CREBRF: variants seen among roughly 807,000 people sequenced by gnomAD.
CREBRF encodes UPF0474 protein C5orf41.
CREBRF carries 5 observed loss-of-function variants against 66.1 expected under a neutral mutation model. The ratio of observed to expected loss-of-function variants is 0.08; its 90% CI spans 0.04 to 0.16. CREBRF has a LOEUF of 0.16. Among genes scored for constraint, CREBRF ranks in the 10% least tolerant of loss-of-function variants. The pLI is 1.00. For missense variants in CREBRF, 531 were observed against 744.9 expected, an observed-to-expected ratio of 0.71 and a Z score of 3.34; for synonymous variants, 229 against 264.4, an observed-to-expected ratio of 0.87 and a Z score of 1.30.
At chr5:173,058,480 A>C (rs796512483) in intron 1 of CREBRF, among the ~76,000 whole-genome samples, 4 of 145,100 alleles carry the variant, frequency 2.8e-5, no homozygotes, top group Admixed American at 1.4e-4. Flanking sequence ...TGATTCATCA[A>C]TTTTTTTTTT....
intron 4 of CREBRF, among the ~76,000 whole-genome samples, chr5:173,097,713 G>T (rs900544774): frequency 6.6e-6 from 1 of 151,884 alleles, no homozygotes; most frequent in Non-Finnish European, 1.5e-5. Flanking sequence ...ATGATTCTTT[G>T]CATTTCTGTG....
At chr5:173,062,347 C>T (rs917275775) in intron 1 of CREBRF, among the ~76,000 whole-genome samples, 1 of 152,262 alleles carries the variant, frequency 6.6e-6, no homozygotes, top group Non-Finnish European at 1.5e-5. Context: ...TAAATGAATG[C>T]ATGCATTGCT....
At chr5:173,081,494 T>G (rs1757940577) in intron 2 of CREBRF, among the ~76,000 whole-genome samples, 1 of 152,180 alleles carries the variant, frequency 6.6e-6, no homozygotes, top group Non-Finnish European at 1.5e-5. Context: ...GGGCAGGGAC[T>G]CTTGGGTGGC....
In CREBRF at chr5:173,128,764, CATTTT is replaced by C. The variant is rs372526991; in HGVS notation, c.1805-4846_1805-4842del. ...TCTTTTATTTTCAATCCTTCTGAAT[CATTTT>C]ATTTTATTTTATTTTATTTATTTAT... On this transcript the variant is annotated intron_variant, in intron 8 of 8. Transcript: ENST00000296953. Among the ~76,000 whole-genome samples, 30 of 152,036 alleles carry C rather than the reference CATTTT, an allele frequency of 2.0e-4. No individual in the cohort carries two copies. The East Asian group carries it at 4.4e-3, about 22-fold the overall frequency.
At chr5:173,064,959 T>G (rs1465925566) in intron 1 of CREBRF, among the ~76,000 whole-genome samples, 1 of 152,198 alleles carries the variant, frequency 6.6e-6, no homozygotes, top group Non-Finnish European at 1.5e-5. Flanking sequence ...CCCTCCTGCC[T>G]CAGCCTCCCA....
intron 1 of CREBRF, among the ~76,000 whole-genome samples, chr5:173,069,504 T>C (rs1174381754): frequency 6.6e-6 from 1 of 152,042 alleles, no homozygotes; most frequent in Non-Finnish European, 1.5e-5. Flanking sequence ...GTATTGTTAG[T>C]AGAGATGGGG....
chr5:173,066,939 C>G (rs1293134346), intron 1 of CREBRF, among the ~76,000 whole-genome samples: 1 of 150,838 alleles, frequency 6.6e-6, no homozygotes, highest in African/African-American at 2.4e-5. Context: ...CTCAGCCTCA[C>G]GAGTGTCTGG....
chr5:173,069,372 C>T (rs2113676039), intron 1 of CREBRF, among the ~76,000 whole-genome samples: 1 of 151,870 alleles, frequency 6.6e-6, no homozygotes, highest in South Asian at 2.1e-4. Flanking sequence ...CAGAGTCTCA[C>T]TCAGTTACCC....
chr5:173,128,180 T>A (rs557112545), intron 8 of CREBRF, among the ~76,000 whole-genome samples: 157 of 152,302 alleles, frequency 1.0e-3, no homozygotes, highest in African/African-American at 3.7e-3. Flanking sequence ...TCATTTTTAT[T>A]GTTTTCTGAA....
chr5:173,069,972 G>A (rs949294161), intron 1 of CREBRF, among the ~76,000 whole-genome samples: 5 of 151,484 alleles, frequency 3.3e-5, no homozygotes, highest in East Asian at 1.9e-4. Flanking sequence ...GCGTGATCTC[G>A]GCTTACTGTA....
At chr5:173,077,778 ACT>A (rs1336819361) in intron 1 of CREBRF, among the ~76,000 whole-genome samples, 3 of 151,688 alleles carry the variant, frequency 2.0e-5, no homozygotes, top group South Asian at 2.1e-4. Flanking sequence ...CCTCCATTTT[ACT>A]CTCTTTCTCT....
At chr5:173,118,654 A>G (rs759356396) in intron 7 of CREBRF, among the ~76,000 whole-genome samples, 6 of 151,736 alleles carry the variant, frequency 4.0e-5, no homozygotes, top group African/African-American at 1.2e-4. Flanking sequence ...AATAGACCAC[A>G]TATTTATGGG....
chr5:173,118,732 T>C (rs1040788481), intron 7 of CREBRF, among the ~76,000 whole-genome samples: 1 of 151,096 alleles, frequency 6.6e-6, no homozygotes, highest in African/African-American at 2.4e-5. Flanking sequence ...TACAAAACTT[T>C]TTTTTTTTTT....
At chr5:173,062,192 C>T (rs968293091) in intron 1 of CREBRF, among the ~76,000 whole-genome samples, 15 of 152,178 alleles carry the variant, frequency 9.9e-5, no homozygotes, top group Admixed American at 9.8e-4. Context: ...CTTGAAACCA[C>T]TTCTCAAATC....
intron 8 of CREBRF, among the ~76,000 whole-genome samples, chr5:173,124,903 CTTCTTTCTTCTTCTTCT>C: frequency 2.8e-5 from 4 of 142,822 alleles, no homozygotes; most frequent in African/African-American, 7.7e-5. Context: ...CTTCCTTCTT[CTTCTTTCTTCTTCTTCT>C]TTTTTTTTTT....
intron 2 of CREBRF, among the ~76,000 whole-genome samples, chr5:173,083,194 G>A (rs1758019853): frequency 6.6e-6 from 1 of 151,822 alleles, no homozygotes; most frequent in African/African-American, 2.4e-5. Flanking sequence ...TGCCAACAGA[G>A]CGAGACTCTG....
chr5:173,073,116 A>G (rs377315327), intron 1 of CREBRF, among the ~76,000 whole-genome samples: 1 of 152,240 alleles, frequency 6.6e-6, no homozygotes, highest in East Asian at 1.9e-4. Flanking sequence ...ACGCATGCAC[A>G]TGTTTAGGTT....
In CREBRF at chr5:173,090,524, G is replaced by A; in HGVS notation, c.345G>A (p.Val115=). The part of the protein sequence containing the change: ...TSCDIWGTKE[V]DYLGLDDFSS... ...GTGACATCTGGGGAACAAAAGAAGT[G>A]GATTACTTGGGTCTTGATGACTTTT... Residue 115 remains valine (V), a synonymous_variant, in exon 4 of 9, where the codon GTG becomes GTA. Coordinates refer to ENST00000296953, the MANE Select transcript of CREBRF (RefSeq NM_153607.3). The surrounding 1 kb of genome is among the most constrained non-coding windows in gnomAD (Gnocchi z 4.5). The A allele has an allele frequency of 6.2e-7, 1 of 1,613,370 alleles. No individual in the cohort carries two copies. Among genetic ancestry groups the A allele is most frequent in the South Asian group, 1.1e-5 (1 of 91,052 alleles).
At chr5:173,105,473 A>G (rs1240907146) in intron 4 of CREBRF, among the ~76,000 whole-genome samples, 1 of 151,538 alleles carries the variant, frequency 6.6e-6, no homozygotes, top group Non-Finnish European at 1.5e-5. Flanking sequence ...CCTTTTATTT[A>G]TTTATTTATT....
Sources: allele counts gnomAD v4.1 joint callset (sites outside exome capture counted in the v4.1 genomes callset), GRCh38; gene constraint gnomAD v4.1.1; non-coding constraint Gnocchi (gnomAD v3.1); transcripts MANE v1.5; gene names NCBI Gene and HGNC (gene_info 2026-07-23, HGNC 2026-07-21).